The following HAUS7 variants were observed in gnomAD, a reference collection of about 807,000 sequenced individuals.
The protein encoded by HAUS7 is HAUS augmin-like complex subunit 7.
HAUS7 carries 3 observed loss-of-function variants against 28.4 expected under a neutral mutation model. The observed-to-expected ratio is 0.11, with a 90% CI of 0.05 to 0.27. HAUS7 has a LOEUF of 0.27. Ranked by LOEUF, HAUS7 falls within the 10% of genes least tolerant of loss-of-function variation. HAUS7 has a pLI of 1.00. For missense variants in HAUS7, 284 were observed against 297.3 expected (o/e 0.96, Z 0.33); for synonymous variants, 165 against 132.1 (o/e 1.25, Z -1.71).
chrX:153,458,925 AT>A (rs2089351685), intron 4 of HAUS7, among the ~76,000 whole-genome samples: 1 of 111,423 alleles, frequency 9.0e-6, no homozygotes, highest in Non-Finnish European at 1.9e-5. Context: ...TGTCTGGCTA[AT>A]TTTTTACTTT....
intron 3 of HAUS7, among the ~76,000 whole-genome samples, chrX:153,463,291 G>A (rs1461827071): frequency 8.9e-6 from 1 of 111,868 alleles, no homozygotes; most frequent in Non-Finnish European, 1.9e-5. Flanking sequence ...GAAGTAAGCA[G>A]AGAGTCTGTG....
intron 1 of HAUS7, chrX:153,480,820 C>T: frequency 2.6e-6 from 2 of 754,959 alleles, no homozygotes; most frequent in Non-Finnish European, 3.1e-6. Context: ...TGGGCTCAGC[C>T]CCAGGCCACA....
rs2089605044 is a variant in HAUS7, at chrX:153,482,198, A to G, written c.-588-11053T>C. 1.6e-5 allele frequency: 8 copies of G among 495,176 alleles called. No homozygotes were observed. In the South Asian group the frequency reaches 8.3e-4, roughly 51 times the overall value. 40.8% of individuals were successfully genotyped at this position (495,176 alleles called of 1,213,427 possible). A position where few individuals can be genotyped will look rare whatever the true frequency, so the allele number is the denominator to read the frequency against. On this transcript the variant is annotated intron_variant, in intron 1 of 5. Coordinates refer to the HAUS7 transcript ENST00000370210. ...CCAGACAGGCCTGGATTCAGTGGGA[A>G]CTAGGAAGCCATGATGCCACCAACA...
intron 1 of HAUS7, among the ~76,000 whole-genome samples, chrX:153,491,271 G>A (rs934761808): frequency 2.7e-5 from 3 of 112,203 alleles, no homozygotes; most frequent in Non-Finnish European, 3.8e-5. Flanking sequence ...CACACCACCC[G>A]CCAGTATTTC....
chrX:153,474,244 C>T (rs2089547369), upstream of HAUS7, among the ~76,000 whole-genome samples: 1 of 112,373 alleles, frequency 8.9e-6, no homozygotes, highest in Non-Finnish European at 1.9e-5. Flanking sequence ...GCTTCCTCTT[C>T]CTGTCACTTC....
intron 1 of HAUS7, among the ~76,000 whole-genome samples, chrX:153,479,704 G>T (rs2089586291): frequency 8.9e-6 from 1 of 111,899 alleles, no homozygotes; most frequent in East Asian, 2.8e-4. Flanking sequence ...TGGCAGAGAG[G>T]GGCTTGAGGG....
intron 1 of HAUS7, chrX:153,481,950 T>G: frequency 1.5e-6 from 1 of 659,923 alleles, no homozygotes; most frequent in Non-Finnish European, 1.8e-6. Context: ...ATTCACCTCT[T>G]CTCGGGGGCC....
chrX:153,484,498 G>T (rs1343974113), intron 1 of HAUS7, among the ~76,000 whole-genome samples: 2 of 110,584 alleles, frequency 1.8e-5, no homozygotes, highest in Non-Finnish European at 3.8e-5. Flanking sequence ...TGGGAACAGC[G>T]GGGAGGGCTG....
In HAUS7 at chrX:153,493,772, T is replaced by C. The variant is rs377618872; in HGVS notation, c.-589+1602A>G. On this transcript the variant is annotated intron_variant, in intron 1 of 5. Transcript: ENST00000370210. The stretch of plus-strand genomic sequence containing the variant: ...GCCATGCCCCCAGGTAGAGCTCCCC[T>C]GGGAGCATCCTCCCTGGCCTGGGAC... Among the ~76,000 whole-genome samples the C allele has an allele frequency of 5.4e-5, 6 of 111,151 alleles. No homozygotes were observed. In the East Asian group the frequency reaches 1.1e-3, roughly 21 times the overall value.
intron 1 of HAUS7, among the ~76,000 whole-genome samples, chrX:153,487,664 G>A (rs1556988830): frequency 1.8e-5 from 2 of 112,605 alleles, no homozygotes; most frequent in Non-Finnish European, 3.8e-5. Context: ...GGTGGGGAGT[G>A]AGCACGTGGT....
intron 1 of HAUS7, chrX:153,485,761 G>A (rs1397494956): frequency 1.9e-5 from 16 of 830,963 alleles, no homozygotes; most frequent in African/African-American, 2.2e-5. Context: ...TGTGTGCCCC[G>A]CCCCACAGGA....
chrX:153,456,986 C>T (rs953065846), intron 5 of HAUS7, 151 bp downstream of exon 5: 2 of 472,312 alleles, frequency 4.2e-6, no homozygotes, highest in South Asian at 3.0e-5. Context: ...GTATGCTGCC[C>T]GGCCCCTGAT....
intron 1 of HAUS7, chrX:153,486,500 A>G (rs2089638758): frequency 2.0e-6 from 1 of 502,349 alleles, no homozygotes; most frequent in African/African-American, 2.4e-5. Context: ...TCACTCCTCC[A>G]CAGTTCCGAT....
chrX:153,486,202 G>A, intron 1 of HAUS7: 5 of 569,061 alleles, frequency 8.8e-6, no homozygotes, highest in Non-Finnish European at 1.2e-5. Context: ...CTGCCTTCTG[G>A]CTGGGCTAGG....
intron 3 of HAUS7, among the ~76,000 whole-genome samples, chrX:153,463,932 A>G (rs1247416494): frequency 1.8e-5 from 2 of 110,754 alleles, no homozygotes; most frequent in African/African-American, 6.6e-5. Context: ...CAATTCTCCC[A>G]CCCTCTGGCC....
At chrX:153,489,024 C>T (rs984320836) in intron 1 of HAUS7, among the ~76,000 whole-genome samples, 2 of 112,680 alleles carry the variant, frequency 1.8e-5, no homozygotes, top group East Asian at 2.8e-4. Flanking sequence ...CTCTTGGGGT[C>T]GTCACCTGGC....
intron 1 of HAUS7, chrX:153,480,894 A>G: frequency 5.3e-6 from 4 of 754,597 alleles, no homozygotes; most frequent in Non-Finnish European, 6.3e-6. Context: ...GCAGGCCGGC[A>G]GGGACCCTCA....
chrX:153,486,569 A>G, intron 1 of HAUS7: 1 of 886,902 alleles, frequency 1.1e-6, no homozygotes, highest in South Asian at 2.1e-5. Flanking sequence ...TTCTTGAATG[A>G]TGCCTACCCC....
At chrX:153,489,808 C>T (rs947941623) in intron 1 of HAUS7, among the ~76,000 whole-genome samples, 2 of 112,578 alleles carry the variant, frequency 1.8e-5, no homozygotes, top group Non-Finnish European at 3.8e-5. Context: ...TGGCCCCCCA[C>T]GGGCCCACCC....
Sources: gnomAD v4.1 joint callset for allele counts (sites outside exome capture counted in the v4.1 genomes callset) on GRCh38, gnomAD v4.1.1 for gene constraint, MANE v1.5 for transcripts, NCBI Gene and HGNC (gene_info 2026-07-23, HGNC 2026-07-21) for gene names.